PTPRD: variants seen among roughly 807,000 people sequenced by gnomAD.
PTPRD encodes the protein protein tyrosine phosphatase receptor type D, also known as receptor-type tyrosine-protein phosphatase delta.
In PTPRD, 34 loss-of-function variants were observed where a neutral mutation model predicts 214.5. The ratio of observed to expected loss-of-function variants is 0.16; its 90% CI spans 0.12 to 0.21. The LOEUF (loss-of-function observed/expected upper bound fraction) is 0.21. Ranked by LOEUF, PTPRD falls within the 10% of genes least tolerant of loss-of-function variation. The pLI, the probability that PTPRD is intolerant of heterozygous loss-of-function variation, is 1.00. For synonymous variants in PTPRD, 1,128 were observed against 845.7 expected (o/e 1.33, Z -5.79); for missense variants, 2,545 against 2,398.7 (o/e 1.06, Z -1.27).
rs10121721 is a variant in PTPRD at position 8,687,043 on chromosome 9, T to A, written c.64+46737A>T. 5.9e-3 allele frequency among the ~76,000 whole-genome samples: 903 copies of A among 152,310 alleles called. 12 individuals carry two copies. The highest frequency in any genetic ancestry group is 0.021 in the African/African-American group (865 of 41,558). On this transcript the variant is annotated intron_variant, in intron 12 of 45. Transcript: ENST00000381196. ...GATTGAAAGAAAAATCAATTAAAAT[T>A]ATCCTGGGAGACCTTTCATACCATT...
At chr9:10,441,145 A>G (rs554322442) in intron 2 of PTPRD, among the ~76,000 whole-genome samples, 39 of 151,660 alleles carry the variant, frequency 2.6e-4, no homozygotes, top group Non-Finnish European at 5.3e-4. Flanking sequence ...GCTCTCTCCT[A>G]GTCCACCATC....
intron 7 of PTPRD, among the ~76,000 whole-genome samples, chr9:9,624,586 C>A (rs1306588323): frequency 6.6e-6 from 1 of 152,028 alleles, no homozygotes; most frequent in Non-Finnish European, 1.5e-5. Context: ...CTGTACCTGG[C>A]CGTATTTTGG....
chr9:9,743,341 A>T (rs553737690), intron 6 of PTPRD, among the ~76,000 whole-genome samples: 2 of 152,260 alleles, frequency 1.3e-5, no homozygotes, highest in South Asian at 4.1e-4. Context: ...TTTTAGATGT[A>T]TTCATTTGGA....
chr9:8,612,708 G>A (rs1487609537), intron 14 of PTPRD, among the ~76,000 whole-genome samples: 3 of 152,346 alleles, frequency 2.0e-5, no homozygotes, highest in African/African-American at 7.2e-5. Context: ...GAGGTGAGAA[G>A]AGGATGACAA....
At chr9:9,728,547 C>G (rs2098131863) in intron 7 of PTPRD, among the ~76,000 whole-genome samples, 1 of 152,094 alleles carries the variant, frequency 6.6e-6, no homozygotes. Flanking sequence ...GAGACTTCCA[C>G]TCTAAAAGGT....
At chr9:8,846,513 G>A (rs779530924) in intron 11 of PTPRD, among the ~76,000 whole-genome samples, 4 of 152,130 alleles carry the variant, frequency 2.6e-5, no homozygotes, top group Non-Finnish European at 5.9e-5. Flanking sequence ...AGTGCCCAGA[G>A]AAAGGTACCC....
At chr9:9,461,290 G>C (rs188897796) in intron 8 of PTPRD, among the ~76,000 whole-genome samples, 1 of 151,980 alleles carries the variant, frequency 6.6e-6, no homozygotes, top group Non-Finnish European at 1.5e-5. Context: ...ATATACCCAT[G>C]TAACATACCT....
At chr9:10,019,826 T>C (rs938529106) in intron 4 of PTPRD, among the ~76,000 whole-genome samples, 1 of 152,054 alleles carries the variant, frequency 6.6e-6, no homozygotes, top group Non-Finnish European at 1.5e-5. Flanking sequence ...ATACCTAATG[T>C]TAAATGACGA....
At chr9:9,121,805 C>A (rs1346914986) in intron 10 of PTPRD, among the ~76,000 whole-genome samples, 1 of 151,982 alleles carries the variant, frequency 6.6e-6, no homozygotes, top group Non-Finnish European at 1.5e-5. Context: ...CCACCTGTAT[C>A]CCAATAACTT....
chr9:8,674,643 A>G (rs2097363566), intron 12 of PTPRD, among the ~76,000 whole-genome samples: 3 of 152,162 alleles, frequency 2.0e-5, no homozygotes, highest in African/African-American at 7.2e-5. Context: ...TTAACATCCA[A>G]TTAAAATAAA....
intron 5 of PTPRD, among the ~76,000 whole-genome samples, chr9:9,842,557 C>T (rs1029017059): frequency 6.6e-6 from 1 of 151,620 alleles, no homozygotes; most frequent in Non-Finnish European, 1.5e-5. Context: ...GACTAGATGT[C>T]AGTATTAATT....
chr9:9,803,618 T>G (rs906395003), intron 5 of PTPRD: 5 of 152,052 alleles, frequency 3.3e-5, no homozygotes, highest in African/African-American at 1.2e-4. Flanking sequence ...ACTGGTGCCT[T>G]CTTGATGTCT....
intron 3 of PTPRD, among the ~76,000 whole-genome samples, chr9:10,141,894 C>G (rs1211086920): frequency 6.6e-6 from 1 of 152,086 alleles, no homozygotes; most frequent in East Asian, 1.9e-4. Context: ...GTACTGGTAC[C>G]AAAACAGCAT....
At chr9:9,657,276 T>TA (rs138879446) in intron 7 of PTPRD, among the ~76,000 whole-genome samples, 11,047 of 150,238 alleles carry the variant, frequency 0.074, 555 homozygotes, top group Middle Eastern at 0.15. Context: ...TATGCAGCCA[T>TA]AAAAAAAAAG....
chr9:10,383,300 C>A (rs1339047894), intron 2 of PTPRD, among the ~76,000 whole-genome samples: 1 of 151,756 alleles, frequency 6.6e-6, no homozygotes, highest in Non-Finnish European at 1.5e-5. Context: ...CTTTAATAAC[C>A]AAGCAATTTT....
chr9:10,567,836 C>A (rs562317638), intron 2 of PTPRD, among the ~76,000 whole-genome samples: 1 of 151,614 alleles, frequency 6.6e-6, no homozygotes, highest in South Asian at 2.1e-4. Flanking sequence ...ACCAGTTAAA[C>A]CATTGCATTA....
chr9:9,166,117 A>G (rs954219436), intron 10 of PTPRD, among the ~76,000 whole-genome samples: 4 of 151,466 alleles, frequency 2.6e-5, no homozygotes, highest in African/African-American at 9.7e-5. Context: ...CAGCTCATGA[A>G]TATATCAAGA....
At position 8,535,230 on chromosome 9, in the gene PTPRD, C is replaced by T. The variant is rs562391377; in HGVS notation, c.353-6451G>A. Reference sequence around the variant, plus strand: ...GCTCCATCAATAGATCTAAAGGGATCAGAGGCATGTGACTCTAAGGCTTGA... The same window carrying T: ...GCTCCATCAATAGATCTAAAGGGATTAGAGGCATGTGACTCTAAGGCTTGA... On this transcript the variant is annotated intron_variant, in intron 14 of 45. Coordinates refer to ENST00000381196, the MANE Select transcript of PTPRD (RefSeq NM_002839.4). 3.9e-5 allele frequency among the ~76,000 whole-genome samples: 6 copies of T among 151,936 alleles called. No individual in the cohort carries two copies. The South Asian group carries it at 1.2e-3, about 32-fold the overall frequency.
At chr9:8,971,059 C>A (rs954920614) in intron 11 of PTPRD, among the ~76,000 whole-genome samples, 36 of 149,444 alleles carry the variant, frequency 2.4e-4, no homozygotes, top group African/African-American at 9.2e-4. Context: ...AAATATCAAA[C>A]TGTCACAATT....
Sources: allele counts gnomAD v4.1 joint callset (sites outside exome capture counted in the v4.1 genomes callset), GRCh38; gene constraint gnomAD v4.1.1; transcripts MANE v1.5; gene names NCBI Gene and HGNC (gene_info 2026-07-23, HGNC 2026-07-21).